The following CAMK1D variants were observed in gnomAD, a reference collection of about 807,000 sequenced individuals.
CAMK1D encodes calcium/calmodulin dependent protein kinase ID.
A neutral mutation model predicts 47.7 loss-of-function variants in CAMK1D; 9 were observed. That is an observed-to-expected ratio of 0.19 (90% CI 0.11 to 0.33). The LOEUF (loss-of-function observed/expected upper bound fraction) is 0.33. CAMK1D is among the 10% of genes least tolerant of loss of function. The probability of loss-of-function intolerance (pLI) is 1.00; values close to 1 mark genes in which losing one functional copy is unlikely to be tolerated. For missense variants in CAMK1D, 291 were observed against 488.7 expected (o/e 0.60, Z 3.81); for synonymous variants, 184 against 184.9 (o/e 0.99, Z 0.04).
intron 2 of CAMK1D, among the ~76,000 whole-genome samples, chr10:12,642,318 G>A (rs145110979): frequency 7.9e-5 from 12 of 152,348 alleles, no homozygotes; most frequent in African/African-American, 2.4e-4. Flanking sequence ...GGCCTGGCAT[G>A]TAAGTGTTCA....
intron 1 of CAMK1D, among the ~76,000 whole-genome samples, chr10:12,485,296 G>GA (rs1834180849): frequency 6.6e-6 from 1 of 152,192 alleles, no homozygotes; most frequent in Non-Finnish European, 1.5e-5. Flanking sequence ...TCCCTGGGGA[G>GA]CAGAAGGACT....
At chr10:12,357,546 C>T (rs552093844) in intron 1 of CAMK1D, among the ~76,000 whole-genome samples, 47 of 152,278 alleles carry the variant, frequency 3.1e-4, no homozygotes, top group Non-Finnish European at 5.9e-4. Flanking sequence ...AAACTTCTGA[C>T]GCCAAGTGAT....
In CAMK1D at chr10:12,588,858, ATG is replaced by A. The variant is rs1251187450; in HGVS notation, c.224+35504_224+35505del. 1.7e-3 allele frequency among the ~76,000 whole-genome samples: 203 copies of A among 116,956 alleles called. 2 individuals carry two copies. The highest frequency in any genetic ancestry group is 7.0e-3 in the African/African-American group (190 of 27,114). The allele number at this position is 116,956 out of a possible 152,430, so 76.7% of individuals were successfully genotyped here. A position where few individuals can be genotyped will look rare whatever the true frequency, so the allele number is the denominator to read the frequency against. Reference sequence around the variant, plus strand: ...TATGTGCTTGTATATATACATGTATATGTATATATGTGTGTGTGTGTGTGTGC... The same window carrying A: ...TATGTGCTTGTATATATACATGTATATATATATGTGTGTGTGTGTGTGTGC... On this transcript the variant is annotated intron_variant, in intron 2 of 10. Transcript: ENST00000619168.
chr10:12,612,625 A>G (rs1838664663), intron 2 of CAMK1D, among the ~76,000 whole-genome samples: 1 of 152,112 alleles, frequency 6.6e-6, no homozygotes, highest in Non-Finnish European at 1.5e-5. Flanking sequence ...GAGGAAGAAG[A>G]CCTTTGCAAA....
chr10:12,538,838 G>A (rs533263840), intron 1 of CAMK1D, among the ~76,000 whole-genome samples: 1 of 151,170 alleles, frequency 6.6e-6, no homozygotes, highest in Non-Finnish European at 1.5e-5. Flanking sequence ...TGGTGGGGGA[G>A]GGGGGCAGTG....
At chr10:12,571,034 A>G (rs925138689) in intron 2 of CAMK1D, among the ~76,000 whole-genome samples, 1 of 152,166 alleles carries the variant, frequency 6.6e-6, no homozygotes, top group Non-Finnish European at 1.5e-5. Context: ...CTCCTCTCCC[A>G]AAATGCAGTT....
chr10:12,682,046 C>T (rs779031673), intron 3 of CAMK1D, among the ~76,000 whole-genome samples: 14 of 152,084 alleles, frequency 9.2e-5, no homozygotes, highest in African/African-American at 1.9e-4. Flanking sequence ...GGTGAAACCC[C>T]GTCTCTACTA....
At chr10:12,687,737 G>A (rs948661081) in intron 3 of CAMK1D, among the ~76,000 whole-genome samples, 24 of 152,136 alleles carry the variant, frequency 1.6e-4, no homozygotes, top group African/African-American at 5.6e-4. Flanking sequence ...CTCAATTCCG[G>A]AGACAAATCA....
chr10:12,503,218 G>A (rs113681904), intron 1 of CAMK1D, among the ~76,000 whole-genome samples: 62 of 152,320 alleles, frequency 4.1e-4, no homozygotes, highest in African/African-American at 1.3e-3. Context: ...GTGGGTAGAC[G>A]TATAAGTCTG....
chr10:12,688,424 C>A (rs1832740929), intron 3 of CAMK1D, among the ~76,000 whole-genome samples: 1 of 151,968 alleles, frequency 6.6e-6, no homozygotes, highest in Non-Finnish European at 1.5e-5. Flanking sequence ...TCTCTTTAGC[C>A]TCTGGAAAAA....
intron 5 of CAMK1D, among the ~76,000 whole-genome samples, chr10:12,786,859 A>G (rs1349789772): frequency 6.6e-6 from 1 of 152,258 alleles, no homozygotes. Flanking sequence ...ATGGTGGCTC[A>G]CGCCTGTAAT....
intron 1 of CAMK1D, among the ~76,000 whole-genome samples, chr10:12,468,760 T>G (rs1833665154): frequency 6.6e-6 from 1 of 152,204 alleles, no homozygotes. Context: ...AAGTCTGATC[T>G]GCACCCAAAT....
At chr10:12,670,097 C>T (rs189347856) in intron 3 of CAMK1D, among the ~76,000 whole-genome samples, 13 of 147,520 alleles carry the variant, frequency 8.8e-5, no homozygotes, top group Admixed American at 8.8e-4. Context: ...AACCGTCTGA[C>T]AGTTTTCCAA....
intron 2 of CAMK1D, among the ~76,000 whole-genome samples, chr10:12,590,073 G>A (rs930118883): frequency 7.9e-5 from 12 of 152,162 alleles, no homozygotes; most frequent in Non-Finnish European, 2.9e-5. Flanking sequence ...TAGGGAGGCC[G>A]TGCAGCCTGT....
intron 1 of CAMK1D, among the ~76,000 whole-genome samples, chr10:12,479,540 C>T (rs965253600): frequency 2.0e-4 from 30 of 152,168 alleles, no homozygotes; most frequent in Admixed American, 9.2e-4. Flanking sequence ...CTGCTGCTGC[C>T]GCCGCTGCTG....
At chr10:12,760,859 A>G in intron 3 of CAMK1D, 89 bp from the exon 4 acceptor site, 3 of 1,446,682 alleles carry the variant, frequency 2.1e-6, no homozygotes, top group Non-Finnish European at 1.9e-6. Flanking sequence ...CATTTTTGCA[A>G]TAAAGTTTGG....
At position 12,749,798 on chromosome 10, in the gene CAMK1D, C is replaced by G. The variant is rs376031778; in HGVS notation, c.300-11150C>G. Among the ~76,000 whole-genome samples, 16 of 151,492 alleles carry G rather than the reference C, an allele frequency of 1.1e-4. No individual in the cohort carries two copies. The South Asian group carries it at 1.5e-3, about 14-fold the overall frequency. Reference sequence around the variant, plus strand: ...AGAGACGGAATTTCACCGTGTTGGCCAGGCTGGTCTCAAACTCCTGACTGC... The same window carrying G: ...AGAGACGGAATTTCACCGTGTTGGCGAGGCTGGTCTCAAACTCCTGACTGC... On this transcript the variant is annotated intron_variant, in intron 3 of 10. Coordinates refer to ENST00000619168, the MANE Select transcript of CAMK1D (RefSeq NM_153498.4).
chr10:12,588,780 A>G (rs879880662), intron 2 of CAMK1D, among the ~76,000 whole-genome samples: 41 of 137,178 alleles, frequency 3.0e-4, no homozygotes, highest in African/African-American at 7.7e-4. Context: ...GTGCATATGT[A>G]TATATATATA....
At chr10:12,448,318 C>G (rs1037637440) in intron 1 of CAMK1D, among the ~76,000 whole-genome samples, 2 of 150,976 alleles carry the variant, frequency 1.3e-5, no homozygotes, top group African/African-American at 4.9e-5. Context: ...AGCCACGATG[C>G]CTGGATTTTT....
Sources: allele counts gnomAD v4.1 joint callset (sites outside exome capture counted in the v4.1 genomes callset), GRCh38; gene constraint gnomAD v4.1.1; transcripts MANE v1.5; gene names NCBI Gene and HGNC (gene_info 2026-07-23, HGNC 2026-07-21).